ZBTB20: variants seen among roughly 807,000 people sequenced by gnomAD.
ZBTB20 encodes zinc finger and BTB domain-containing protein 20.
Under a neutral mutation model 56.9 loss-of-function variants are expected in ZBTB20, and 9 were observed. The ratio of observed to expected loss-of-function variants is 0.16; its 90% confidence interval spans 0.10 to 0.28. The LOEUF (loss-of-function observed/expected upper bound fraction) is 0.28. Ranked by LOEUF, ZBTB20 falls within the 10% of genes least tolerant of loss-of-function variation. ZBTB20 has a pLI of 1.00. For missense variants in ZBTB20, 655 were observed against 1,003.0 expected (o/e 0.65, Z 4.69); for synonymous variants, 417 against 420.7 (o/e 0.99, Z 0.11).
At chr3:114,686,845 T>C (rs1436180004) in intron 6 of ZBTB20, among the ~76,000 whole-genome samples, 1 of 152,122 alleles carries the variant, frequency 6.6e-6, no homozygotes, top group Non-Finnish European at 1.5e-5. Context: ...CTTCCCTCCC[T>C]AACCGCAGGC....
At chr3:114,581,549 C>T (rs2054631374) in intron 6 of ZBTB20, among the ~76,000 whole-genome samples, 1 of 151,972 alleles carries the variant, frequency 6.6e-6, no homozygotes, top group African/African-American at 2.4e-5. Context: ...ATTACAACAA[C>T]AGCAACAACT....
chr3:114,619,723 A>G (rs1201728196), intron 6 of ZBTB20, among the ~76,000 whole-genome samples: 1 of 152,186 alleles, frequency 6.6e-6, no homozygotes, highest in African/African-American at 2.4e-5. Context: ...TTCTCTACTC[A>G]TTGATGAGAA....
rs2079611948 is a variant in ZBTB20 at position 114,339,635 on chromosome 3, A to G, written c.1805-209T>C. ...AGAAATTTTGCTTTATGGTGATGCC[A>G]GGACAGTTTTGTTTTCCATTTCCCT... is the stretch of plus-strand genomic sequence containing the variant. On this transcript the variant is annotated intron_variant, in intron 11 of 11. Transcript: ENST00000675478. The surrounding 1 kb of genome is among the most constrained non-coding windows in gnomAD (Gnocchi z 4.2). Among the ~76,000 whole-genome samples, 2 of 152,208 alleles carry G rather than the reference A, an allele frequency of 1.3e-5. No individual in the cohort carries two copies. Among genetic ancestry groups the G allele is most frequent in the Non-Finnish European group, 2.9e-5 (2 of 68,024 alleles).
intron 10 of ZBTB20, among the ~76,000 whole-genome samples, chr3:114,353,376 CT>C (rs1239512640): frequency 1.3e-5 from 2 of 152,154 alleles, no homozygotes; most frequent in East Asian, 3.8e-4. Context: ...GCGTTTCTAC[CT>C]TGCTTCACTC....
At chr3:114,367,433 C>T (rs544842223) in intron 10 of ZBTB20, among the ~76,000 whole-genome samples, 6 of 152,214 alleles carry the variant, frequency 3.9e-5, no homozygotes, top group Middle Eastern at 3.4e-3. Flanking sequence ...GCCCCGCTAA[C>T]TGTTTTGTAG....
chr3:114,648,863 T>C (rs1389267891), intron 6 of ZBTB20, among the ~76,000 whole-genome samples: 1 of 152,018 alleles, frequency 6.6e-6, no homozygotes, highest in African/African-American at 2.4e-5. Context: ...AAAATGAAAC[T>C]AAGGCAAATA....
chr3:114,779,253 C>T (rs945185077), intron 5 of ZBTB20, among the ~76,000 whole-genome samples: 1 of 152,164 alleles, frequency 6.6e-6, no homozygotes, highest in Non-Finnish European at 1.5e-5. Flanking sequence ...AAAAACTATG[C>T]AGATTTTCAT....
intron 11 of ZBTB20, among the ~76,000 whole-genome samples, chr3:114,345,407 G>A (rs2080109452): frequency 6.6e-6 from 1 of 152,150 alleles, no homozygotes; most frequent in Non-Finnish European, 1.5e-5. Context: ...TTTGCCATGT[G>A]ACCTATGTAA....
intron 2 of ZBTB20, among the ~76,000 whole-genome samples, chr3:114,994,513 T>C (rs1271455138): frequency 6.6e-6 from 1 of 152,000 alleles, no homozygotes; most frequent in Non-Finnish European, 1.5e-5. Flanking sequence ...AACAGATCCA[T>C]TAATTTAGTA....
chr3:114,622,933 A>T (rs2058418968), intron 6 of ZBTB20, among the ~76,000 whole-genome samples: 1 of 152,206 alleles, frequency 6.6e-6, no homozygotes, highest in Admixed American at 6.5e-5. Flanking sequence ...GTTTCAGCCT[A>T]TGAGAACCAT....
At chr3:114,696,695 A>C (rs1311490222) in intron 5 of ZBTB20, among the ~76,000 whole-genome samples, 1 of 152,024 alleles carries the variant, frequency 6.6e-6, no homozygotes, top group Non-Finnish European at 1.5e-5. Context: ...AGGACTTATA[A>C]ATTGCATACA....
chr3:114,996,796 A>G (rs1049597598), intron 2 of ZBTB20, among the ~76,000 whole-genome samples: 5 of 151,948 alleles, frequency 3.3e-5, no homozygotes, highest in African/African-American at 1.2e-4. Flanking sequence ...GATAAAAACA[A>G]ACAACCCCAT....
intron 3 of ZBTB20, among the ~76,000 whole-genome samples, chr3:114,903,731 G>A (rs1439626275): frequency 6.6e-6 from 1 of 151,928 alleles, no homozygotes; most frequent in Non-Finnish European, 1.5e-5. Flanking sequence ...GGAAAATAAG[G>A]ACAAAATGAA....
At chr3:114,353,108 C>T (rs58556891) in intron 10 of ZBTB20, among the ~76,000 whole-genome samples, 1 of 152,000 alleles carries the variant, frequency 6.6e-6, no homozygotes, top group Non-Finnish European at 1.5e-5. Context: ...TAGAGAATCC[C>T]CCTCCAAATA....
chr3:114,733,226 CT>C (rs1235481562), intron 5 of ZBTB20, among the ~76,000 whole-genome samples: 1 of 152,136 alleles, frequency 6.6e-6, no homozygotes, highest in Admixed American at 6.6e-5. Flanking sequence ...ACTATATTTG[CT>C]CTCATTTCCT....
At chr3:114,646,740 C>A (rs1304389830) in intron 6 of ZBTB20, among the ~76,000 whole-genome samples, 1 of 152,136 alleles carries the variant, frequency 6.6e-6, no homozygotes, top group Non-Finnish European at 1.5e-5. Context: ...CTTTCCCAGG[C>A]AATTTGTATG....
At chr3:114,810,880 C>T (rs1025057497) in intron 4 of ZBTB20, among the ~76,000 whole-genome samples, 2 of 152,046 alleles carry the variant, frequency 1.3e-5, no homozygotes, top group African/African-American at 4.8e-5. Flanking sequence ...TCTTCAACTG[C>T]CCCTCCTACT....
intron 7 of ZBTB20, among the ~76,000 whole-genome samples, chr3:114,490,884 A>C (rs1246067334): frequency 3.3e-5 from 5 of 152,222 alleles, no homozygotes; most frequent in Non-Finnish European, 5.9e-5. Context: ...TATTGTGAGG[A>C]CAGGGCAGAG....
At chr3:115,002,835 T>C (rs1186569754) in intron 2 of ZBTB20, among the ~76,000 whole-genome samples, 2 of 151,678 alleles carry the variant, frequency 1.3e-5, no homozygotes, top group African/African-American at 4.8e-5. Flanking sequence ...TTGAAAATTA[T>C]GTTCCACAAA....
Sources: gnomAD v4.1 joint callset for allele counts (sites outside exome capture counted in the v4.1 genomes callset) on GRCh38, gnomAD v4.1.1 for gene constraint, Gnocchi (gnomAD v3.1) non-coding constraint, MANE v1.5 for transcripts, NCBI Gene and HGNC (gene_info 2026-07-23, HGNC 2026-07-21) for gene names.